Variants in CCDC171 observed in about 807,000 individuals in gnomAD.
CCDC171 encodes coiled-coil domain-containing protein 171.
Under a neutral mutation model 168.2 loss-of-function variants are expected in CCDC171, and 177 were observed. That is an observed-to-expected ratio of 1.05 (90% CI 0.93 to 1.19). The LOEUF is 1.19. Among genes scored for constraint, CCDC171 ranks in the 50% most tolerant of loss-of-function variants. The pLI is 0.00. For missense variants in CCDC171, 1,991 were observed against 1,539.0 expected (o/e 1.29, Z -4.91); for synonymous variants, 687 against 540.8 (o/e 1.27, Z -3.75).
chr9:15,987,854 A>G (rs1349535645), intron 3 of CCDC171, among the ~76,000 whole-genome samples: 2 of 148,982 alleles, frequency 1.3e-5, no homozygotes, highest in Non-Finnish European at 3.0e-5. Context: ...TTTCATATAT[A>G]CCTTATACAC....
At chr9:15,738,388 G>A (rs2054627167) in intron 16 of CCDC171, among the ~76,000 whole-genome samples, 1 of 152,112 alleles carries the variant, frequency 6.6e-6, no homozygotes, top group African/African-American at 2.4e-5. Flanking sequence ...TAGTATTTTT[G>A]TTATGCTATT....
chr9:16,028,374 G>A (rs1391063999), intron 6 of CCDC171, among the ~76,000 whole-genome samples: 1 of 152,164 alleles, frequency 6.6e-6, no homozygotes, highest in South Asian at 2.1e-4. Flanking sequence ...GATACTCAGC[G>A]ATGTGGGTAC....
chr9:16,108,152 T>A, the CCDC171 span, among the ~76,000 whole-genome samples: 2 of 152,102 alleles, frequency 1.3e-5, no homozygotes, highest in African/African-American at 4.8e-5. Flanking sequence ...AATCAGTAAA[T>A]AACAAAATTG....
At chr9:15,983,509 T>TGAGAGA (rs760139322) in intron 3 of CCDC171, among the ~76,000 whole-genome samples, 24 of 133,176 alleles carry the variant, frequency 1.8e-4, no homozygotes, top group African/African-American at 6.0e-4. Context: ...TGTGTGTGTG[T>TGAGAGA]GTGAGAGAGA....
chr9:16,024,826 A>T (rs1446516038), intron 6 of CCDC171, among the ~76,000 whole-genome samples: 1 of 152,224 alleles, frequency 6.6e-6, no homozygotes, highest in Non-Finnish European at 1.5e-5. Flanking sequence ...GGCACCCGAA[A>T]TTTAGGGCCA....
the CCDC171 span, among the ~76,000 whole-genome samples, chr9:16,102,211 G>T: frequency 5.3e-5 from 8 of 152,136 alleles, no homozygotes; most frequent in African/African-American, 1.9e-4. Context: ...AGCAGGGCTA[G>T]AAGGGAAATT....
At chr9:15,802,865 T>C (rs1409652531) in intron 21 of CCDC171, among the ~76,000 whole-genome samples, 2 of 152,148 alleles carry the variant, frequency 1.3e-5, no homozygotes, top group Non-Finnish European at 1.5e-5. Context: ...TAATTTACAC[T>C]CCCAGCAACA....
At chr9:15,747,484 C>T in intron 18 of CCDC171, among the ~76,000 whole-genome samples, 1 of 152,190 alleles carries the variant, frequency 6.6e-6, no homozygotes, top group Non-Finnish European at 1.5e-5. Context: ...GGCCAACAGA[C>T]ACCTCTTACA....
chr9:15,621,537 A>C (rs561279389), intron 6 of CCDC171, among the ~76,000 whole-genome samples: 24 of 152,290 alleles, frequency 1.6e-4, no homozygotes, highest in African/African-American at 5.8e-4. Context: ...ATAGAATAGT[A>C]ATCTTATGAA....
chr9:15,648,585 G>A (rs1041781708), intron 7 of CCDC171, among the ~76,000 whole-genome samples: 44 of 152,162 alleles, frequency 2.9e-4, no homozygotes, highest in Non-Finnish European at 1.8e-4. Flanking sequence ...AAAATCACAA[G>A]CATTCTTATA....
At chr9:15,817,124 A>G (rs1340292296) in intron 21 of CCDC171, among the ~76,000 whole-genome samples, 1 of 118,108 alleles carries the variant, frequency 8.5e-6, no homozygotes, top group East Asian at 2.1e-4. Flanking sequence ...ATTGGCTGTC[A>G]TTAGGTGTTA....
intron 7 of CCDC171, among the ~76,000 whole-genome samples, chr9:15,656,018 A>T (rs1455244036): frequency 6.6e-6 from 1 of 152,154 alleles, no homozygotes; most frequent in Non-Finnish European, 1.5e-5. Context: ...ACAGTGTGGC[A>T]GTTTCATAAT....
intron 6 of CCDC171, among the ~76,000 whole-genome samples, chr9:16,023,105 T>G (rs529186264): frequency 3.2e-4 from 49 of 152,224 alleles, no homozygotes; most frequent in African/African-American, 1.1e-3. Context: ...GTATTCTTTT[T>G]TTTTTTTAAA....
chr9:16,097,156 T>G, the CCDC171 span, among the ~76,000 whole-genome samples: 13 of 152,184 alleles, frequency 8.5e-5, no homozygotes, highest in African/African-American at 2.7e-4. Context: ...CCTATCATGC[T>G]GAGGCTCCCC....
intron 25 of CCDC171, among the ~76,000 whole-genome samples, chr9:15,944,970 C>T (rs1481772401): frequency 2.0e-5 from 3 of 151,542 alleles, no homozygotes; most frequent in Admixed American, 6.6e-5. Flanking sequence ...CATGCTGGTG[C>T]GCTGCACCCA....
At chr9:15,657,801 G>C (rs1014820267) in intron 8 of CCDC171, among the ~76,000 whole-genome samples, 1 of 152,124 alleles carries the variant, frequency 6.6e-6, no homozygotes, top group African/African-American at 2.4e-5. Flanking sequence ...ATTAAATCTG[G>C]GAGGGGAATT....
chr9:15,558,929 T>C (rs1260872437), intron 1 of CCDC171, among the ~76,000 whole-genome samples: 2 of 150,214 alleles, frequency 1.3e-5, no homozygotes, highest in African/African-American at 5.1e-5. Flanking sequence ...TCTGGTATGT[T>C]GTGTCTTTGT....
At chr9:16,071,195 C>G in the CCDC171 span, among the ~76,000 whole-genome samples, 3 of 152,192 alleles carry the variant, frequency 2.0e-5, no homozygotes, top group African/African-American at 7.2e-5. Flanking sequence ...GACCTAATCA[C>G]AGCTGAGGTC....
At chr9:15,981,021 T>G (rs957056333) in intron 3 of CCDC171, among the ~76,000 whole-genome samples, 3 of 152,064 alleles carry the variant, frequency 2.0e-5, no homozygotes, top group Non-Finnish European at 4.4e-5. Flanking sequence ...AGAGAGCTTA[T>G]GCAGGAAAAC....
Sources: gnomAD v4.1 joint callset for allele counts (sites outside exome capture counted in the v4.1 genomes callset) on GRCh38, gnomAD v4.1.1 for gene constraint, MANE v1.5 for transcripts, NCBI Gene and HGNC (gene_info 2026-07-23, HGNC 2026-07-21) for gene names.